The following FLNC variants were observed in gnomAD, a reference collection of about 807,000 sequenced individuals.
The protein encoded by FLNC is filamin C.
Under a neutral mutation model 254.3 loss-of-function variants are expected in FLNC, and 91 were observed. The ratio of observed to expected loss-of-function variants is 0.36; its 90% CI spans 0.30 to 0.43. The LOEUF (loss-of-function observed/expected upper bound fraction) is 0.43. FLNC is among the 20% of genes least tolerant of loss of function. The pLI is 1.00. For synonymous variants in FLNC, 1,430 were observed against 1,577.2 expected (o/e 0.91, Z 2.21); for missense variants, 2,853 against 3,802.6 (o/e 0.75, Z 6.57).
rs1434025490 is a variant in FLNC, at chr7:128,830,445, A to C, written c.-193A>C. On this transcript the variant is annotated 5_prime_UTR_variant, in exon 1 of 48. Transcript: ENST00000325888. ...CCGCTCCGGCCCTGGAGGGAGAGAG[A>C]GCCAGAGAGCGGCCGAGCGCCTAGG... is the stretch of plus-strand genomic sequence containing the variant. The C allele has an allele frequency of 1.7e-6, 1 of 602,938 alleles. No homozygotes were observed. Among genetic ancestry groups the C allele is most frequent in the African/African-American group, 1.9e-5 (1 of 52,718 alleles). 37.3% of individuals were successfully genotyped at this position (602,938 alleles called of 1,614,324 possible).
chr7:128,843,059 G>A, intron 16 of FLNC, 105 bp downstream of exon 16: 1 of 1,468,612 alleles, frequency 6.8e-7, no homozygotes, highest in South Asian at 1.2e-5. Flanking sequence ...CGCAGACATG[G>A]TGGAGCCCTA....
At chr7:128,852,350 G>C (rs1478484737) in intron 35 of FLNC, among the ~76,000 whole-genome samples, 2 of 152,310 alleles carry the variant, frequency 1.3e-5, no homozygotes, top group East Asian at 3.9e-4. Flanking sequence ...TTTCCTTTAG[G>C]GATTTAGCCC....
rs1269403689 is a variant in FLNC, at chr7:128,835,765, G to A, written c.601+191G>A. 6.6e-6 allele frequency among the ~76,000 whole-genome samples: 1 copy of A among 152,144 alleles called. No individual in the cohort carries two copies. Among genetic ancestry groups the A allele is most frequent in the Non-Finnish European group, 1.5e-5 (1 of 68,022 alleles). ...GTGGCAGGCCCTACCTGATGAGTGT[G>A]CCAGATTCCGCAGAGGCAGGAAGAG... On this transcript the variant is annotated intron_variant, in intron 2 of 47. Transcript: ENST00000325888. This position sits in a 1 kb window ranked among gnomAD's most constrained non-coding sequence, Gnocchi z 5.3.
intron 33 of FLNC, 23 bp downstream of exon 33, chr7:128,850,966 C>T (rs1242821517): frequency 1.3e-6 from 2 of 1,593,722 alleles, no homozygotes; most frequent in Non-Finnish European, 1.7e-6. Flanking sequence ...CTGGGCTGGG[C>T]TGGGGCTTGG....
rs1406070374 is a variant in FLNC at position 128,841,378 on chromosome 7, C to T, written c.2007+15C>T. ...TCCCAGATAAGGTGTGGTCCCAGCT[C>T]ACACACACCTGCCCCGGGGGTGGGG... On this transcript the variant is annotated intron_variant, in intron 12 of 47. Transcript: ENST00000325888. This position sits in a 1 kb window ranked among gnomAD's most constrained non-coding sequence, Gnocchi z 4.3. 6.2e-7 allele frequency: 1 copy of T among 1,613,872 alleles called. No homozygotes were observed. Among genetic ancestry groups the T allele is most frequent in the Non-Finnish European group, 8.5e-7 (1 of 1,179,838 alleles).
Position 128,830,943 on chromosome 7 carries a change from G to A in FLNC, c.306G>A (p.Val102=), listed in dbSNP as rs1188762743. Residue 102 remains valine, a synonymous_variant, in exon 1 of 48, where the codon GTG becomes GTA. Transcript: ENST00000325888. Reference sequence around the variant, plus strand: ...AAATGAAGCTGGAGAACGTGTCCGTGGCCCTCGAGTTCCTCGAGCGCGAGC... The same window carrying A: ...AAATGAAGCTGGAGAACGTGTCCGTAGCCCTCGAGTTCCTCGAGCGCGAGC... ...FRQMKLENVS[V]ALEFLEREHI... 6.2e-7 allele frequency: 1 copy of A among 1,612,016 alleles called. No individual in the cohort carries two copies. The highest frequency in any genetic ancestry group is 8.5e-7 in the Non-Finnish European group (1 of 1,179,968).
chr7:128,832,542 C>G (rs2128932868), intron 1 of FLNC, among the ~76,000 whole-genome samples: 1 of 152,336 alleles, frequency 6.6e-6, no homozygotes, highest in South Asian at 2.1e-4. Context: ...CGGGGGCTCT[C>G]GGCCCCTCTC....
intron 18 of FLNC, 56 bp from the exon 19 acceptor site, chr7:128,843,740 G>C: frequency 1.9e-6 from 3 of 1,543,846 alleles, no homozygotes; most frequent in Non-Finnish European, 2.7e-6. Context: ...TTCACCACCA[G>C]GATGTTGTAG....
In FLNC at chr7:128,841,814, G is replaced by C. The variant is rs750386611; in HGVS notation, c.2121+247G>C. Among the ~76,000 whole-genome samples, 2 of 152,206 alleles carry C rather than the reference G, an allele frequency of 1.3e-5. No homozygotes were observed. The highest frequency in any genetic ancestry group is 2.4e-5 in the African/African-American group (1 of 41,450). On this transcript the variant is annotated intron_variant, in intron 13 of 47. Coordinates refer to ENST00000325888, the MANE Select transcript of FLNC (RefSeq NM_001458.5). This position sits in a 1 kb window ranked among gnomAD's most constrained non-coding sequence, Gnocchi z 4.3. ...TGTGCTAATTTGTAATTGAAAGATT[G>C]TTTCATTGAATAAGACACTGGTTTC...
At chr7:128,837,883 G>T in intron 5 of FLNC, 104 bp from the exon 6 acceptor site, 1 of 1,373,074 alleles carries the variant, frequency 7.3e-7, no homozygotes. Context: ...TCTGGGGAAG[G>T]TGTCACCATG....
In FLNC at chr7:128,856,713, TG is replaced by T. The variant is rs759712104; in HGVS notation, c.7385-30del. 2.5e-6 allele frequency: 4 copies of T among 1,613,902 alleles called. No individual in the cohort carries two copies. The highest frequency in any genetic ancestry group is 3.4e-6 in the Non-Finnish European group (4 of 1,180,004). On this transcript the variant is annotated intron_variant, in intron 44 of 47. Coordinates refer to ENST00000325888, the MANE Select transcript of FLNC (RefSeq NM_001458.5). The surrounding 1 kb of genome is among the most constrained non-coding windows in gnomAD (Gnocchi z 5.9). ...TGGGGCCTTCTGGGGAGGGGAAGGA[TG>T]GAGGCTAAGCCACCAACCCTTTATC... is the stretch of plus-strand genomic sequence containing the variant.
chr7:128,843,860 A>G lies in FLNC; in HGVS notation c.2876A>G (p.Asn959Ser). The G allele has an allele frequency of 6.2e-7, 1 of 1,614,022 alleles. No homozygotes were observed. Among genetic ancestry groups the G allele is most frequent in the Non-Finnish European group, 8.5e-7 (1 of 1,180,034 alleles). ...DPVPKSPFVV[N>S]VAPPLDLSKI... ...GTCCCCAAGAGCCCCTTTGTGGTGA[A>G]TGTGGCACCCCCGCTGGACCTCAGC... Residue 959 changes from asparagine (N) to serine (S), a missense_variant, in exon 19 of 48, where the codon AAT (asparagine) becomes AGT (serine). By Grantham distance (46) the Asn-to-Ser change is conservative. Transcript: ENST00000325888.
intron 20 of FLNC, 114 bp from the exon 21 acceptor site, chr7:128,844,544 A>C: frequency 1.9e-6 from 2 of 1,068,286 alleles, no homozygotes; most frequent in Non-Finnish European, 2.9e-6. Context: ...GATTGTTATA[A>C]GCACTCAGTC....
Position 128,850,883 on chromosome 7 carries a change from G to A in FLNC, c.5479G>A (p.Ala1827Thr). 1 of 1,613,682 alleles carries A rather than the reference G, an allele frequency of 6.2e-7. No homozygotes were observed. The highest frequency in any genetic ancestry group is 8.5e-7 in the Non-Finnish European group (1 of 1,179,986). Reference protein sequence around the residue: ...NKDGTITVRYAPTEKGLHQMG... With the variant: ...NKDGTITVRYTPTEKGLHQMG... ...GGACGGCACCATCACGGTGAGGTAT[G>A]CACCCACTGAGAAAGGCCTGCACCA... is the stretch of plus-strand genomic sequence containing the variant. Residue 1827 changes from alanine (A) to threonine (T), a missense_variant, in exon 33 of 48, where the codon GCA (alanine) becomes ACA (threonine). By Grantham distance (58) the Ala-to-Thr change is moderately conservative (BLOSUM62 0). This residue lies in a region of FLNC where 258 missense variants were observed against 312.3 expected (regional missense o/e 0.83). Transcript: ENST00000325888.
chr7:128,851,349 A>G lies in FLNC; in HGVS notation c.5657A>G (p.Asp1886Gly), dbSNP rs771960952. ...KPATFTIVTK[D>G]AGEGGLSLAV... Reference sequence around the variant, plus strand: ...GCCACCTTCACTATTGTCACCAAAGATGCTGGAGAAGGTGAGGGAGCTGCA... The same window carrying G: ...GCCACCTTCACTATTGTCACCAAAGGTGCTGGAGAAGGTGAGGGAGCTGCA... The change falls in exon 34 of 48, where the codon GAT (aspartate) becomes GGT (glycine). Residue 1886 changes from aspartate (D) to glycine (G), a missense_variant. Transcript: ENST00000325888. The G allele has an allele frequency of 4.3e-6, 7 of 1,614,128 alleles. No individual in the cohort carries two copies. The East Asian group carries it at 1.1e-4, about 26-fold the overall frequency.
chr7:128,842,906 G>C lies in FLNC; in HGVS notation c.2502G>C (p.Thr834=). The change falls in exon 16 of 48, where the codon ACG becomes ACC. Residue 834 remains threonine (T), a synonymous_variant. Coordinates refer to ENST00000325888, the MANE Select transcript of FLNC (RefSeq NM_001458.5). The surrounding 1 kb of genome is among the most constrained non-coding windows in gnomAD (Gnocchi z 5.4). ...NDNDTFTVKY[T]PPGAGRYTIM... ...ACGACACCTTCACCGTCAAGTACAC[G>C]CCACCAGGGGCGGGCCGCTACACCA... 1 of 1,613,958 alleles carries C rather than the reference G, an allele frequency of 6.2e-7. No homozygotes were observed. The highest frequency in any genetic ancestry group is 8.5e-7 in the Non-Finnish European group (1 of 1,180,014).
intron 18 of FLNC, 104 bp downstream of exon 18, chr7:128,843,681 C>G (rs933292022): frequency 8.0e-6 from 12 of 1,496,730 alleles, no homozygotes; most frequent in Non-Finnish European, 1.0e-5. Context: ...CACGCCTTTC[C>G]TGCCTCCTGC....
intron 1 of FLNC, among the ~76,000 whole-genome samples, chr7:128,833,283 A>C (rs1807966023): frequency 6.6e-6 from 1 of 152,030 alleles, no homozygotes; most frequent in South Asian, 2.1e-4. Flanking sequence ...CTGTCCCAGC[A>C]CCTCCCTAGG....
intron 7 of FLNC, 81 bp downstream of exon 7, chr7:128,838,510 G>T: frequency 1.9e-6 from 3 of 1,589,914 alleles, no homozygotes; most frequent in East Asian, 2.2e-5. Context: ...GCTGGGACAG[G>T]GATGCCAGCC....
Sources: gnomAD v4.1 joint callset for allele counts (sites outside exome capture counted in the v4.1 genomes callset) on GRCh38, gnomAD v4.1.1 for gene constraint, gnomAD v4.1.1 regional missense constraint, Gnocchi (gnomAD v3.1) non-coding constraint, MANE v1.5 for transcripts, NCBI Gene and HGNC (gene_info 2026-07-23, HGNC 2026-07-21) for gene names.